The following RBPMS variants were observed in gnomAD, a reference collection of about 807,000 sequenced individuals.
The protein encoded by RBPMS is RNA binding protein, mRNA processing factor, also known as RNA-binding protein with multiple splicing.
RBPMS carries 7 observed loss-of-function variants against 26.8 expected under a neutral mutation model. The observed-to-expected ratio is 0.26, with a 90% CI of 0.15 to 0.49. The LOEUF is 0.49. RBPMS is among the 20% of genes least tolerant of loss of function. The probability of loss-of-function intolerance (pLI) is 0.98; values close to 1 mark genes in which losing one functional copy is unlikely to be tolerated. For missense variants in RBPMS, 186 were observed against 250.0 expected, an observed-to-expected ratio of 0.74 and a Z score of 1.73; for synonymous variants, 96 against 93.3, an observed-to-expected ratio of 1.03 and a Z score of -0.17.
At chr8:30,535,171 T>A (rs934005358) in intron 5 of RBPMS, among the ~76,000 whole-genome samples, 4 of 152,220 alleles carry the variant, frequency 2.6e-5, no homozygotes, top group Non-Finnish European at 5.9e-5. Flanking sequence ...CAAGGAAATG[T>A]GCTAAACTGT....
chr8:30,548,517 ATAGGG>A (rs1826043128), intron 6 of RBPMS, among the ~76,000 whole-genome samples: 1 of 152,220 alleles, frequency 6.6e-6, no homozygotes, highest in African/African-American at 2.4e-5. Flanking sequence ...CGGATTTCTA[ATAGGG>A]CTGCTGTACA....
chr8:30,565,985 G>C (rs1346008715), intron 7 of RBPMS: 1 of 152,352 alleles, frequency 6.6e-6, no homozygotes, highest in Non-Finnish European at 1.5e-5. Context: ...GCTTTTCTTG[G>C]AATGTCCTTC....
At chr8:30,414,121 T>C (rs2915618) in intron 1 of RBPMS, among the ~76,000 whole-genome samples, 111,362 of 147,212 alleles carry the variant, frequency 0.76, 42,337 homozygotes, top group African/African-American at 0.86. Flanking sequence ...CCCCCTCCTC[T>C]CCTTTTGATG....
chr8:30,537,194 G>A (rs1283730337), intron 5 of RBPMS, among the ~76,000 whole-genome samples: 5 of 152,214 alleles, frequency 3.3e-5, no homozygotes, highest in Non-Finnish European at 7.3e-5. Flanking sequence ...TGATTAGAAA[G>A]CAGATCCTTT....
chr8:30,513,733 G>C (rs1326198301), intron 5 of RBPMS, among the ~76,000 whole-genome samples: 2 of 152,042 alleles, frequency 1.3e-5, no homozygotes, highest in Non-Finnish European at 2.9e-5. Context: ...AAAGAGTAAA[G>C]GGAGTTGATT....
intron 1 of RBPMS, among the ~76,000 whole-genome samples, chr8:30,433,443 C>A (rs144750475): frequency 3.3e-5 from 5 of 152,276 alleles, no homozygotes; most frequent in African/African-American, 1.2e-4. Flanking sequence ...GTATCATGAT[C>A]AAGGATCGCT....
chr8:30,571,194 ACCAGAAGCCT>A lies in RBPMS; in HGVS notation c.*674_*683del, dbSNP rs1331766202. 1.3e-5 allele frequency: 2 copies of A among 152,004 alleles called. No individual in the cohort carries two copies. The highest frequency in any genetic ancestry group is 2.9e-5 in the Non-Finnish European group (2 of 68,026). The allele number at this position is 152,004 out of a possible 1,614,324, so 9.4% of individuals were successfully genotyped here. A position where few individuals can be genotyped will look rare whatever the true frequency, so the allele number is the denominator to read the frequency against. Reference sequence around the variant, plus strand: ...GTAGGACAGCCCTGCAAGACAATCAACCAGAAGCCTCCAGGAGCTTCTACCTATGGCTTAT... The same window carrying A: ...GTAGGACAGCCCTGCAAGACAATCAACCAGGAGCTTCTACCTATGGCTTAT... On this transcript the variant is annotated 3_prime_UTR_variant, in exon 9 of 9. Coordinates refer to ENST00000397323, the MANE Select transcript of RBPMS (RefSeq NM_001008710.3).
intron 4 of RBPMS, among the ~76,000 whole-genome samples, chr8:30,487,407 A>C (rs1445563491): frequency 6.6e-6 from 1 of 152,230 alleles, no homozygotes. Context: ...AAAACATTTT[A>C]AAACCTTAGG....
Position 30,445,168 on chromosome 8 carries a change from C to G in RBPMS, c.67-29611C>G, listed in dbSNP as rs181449615. On this transcript the variant is annotated intron_variant, in intron 1 of 8. Coordinates refer to ENST00000397323, the MANE Select transcript of RBPMS (RefSeq NM_001008710.3). ...TATCTATTGAAAATACACTGTAGCTCTTACAGTGAAAAATAATTAGACCTA... is the reference window on the plus strand; with the variant it reads ...TATCTATTGAAAATACACTGTAGCTGTTACAGTGAAAAATAATTAGACCTA... 294 of 152,252 alleles carry G rather than the reference C, an allele frequency of 1.9e-3. 2 individuals carry two copies. Among genetic ancestry groups the G allele is most frequent in the African/African-American group, 6.4e-3 (266 of 41,540 alleles). 9.4% of individuals were successfully genotyped at this position (152,252 alleles called of 1,614,324 possible). A position where few individuals can be genotyped will look rare whatever the true frequency, so the allele number is the denominator to read the frequency against.
At chr8:30,540,876 G>A (rs1294081295) in intron 5 of RBPMS, among the ~76,000 whole-genome samples, 1 of 152,220 alleles carries the variant, frequency 6.6e-6, no homozygotes, top group Non-Finnish European at 1.5e-5. Flanking sequence ...GAATGAATGA[G>A]AGGGAGGATG....
intron 5 of RBPMS, among the ~76,000 whole-genome samples, chr8:30,512,560 A>G (rs1278046386): frequency 6.6e-6 from 1 of 151,900 alleles, no homozygotes; most frequent in African/African-American, 2.4e-5. Context: ...GTCATATCTC[A>G]TCACTTCAGT....
chr8:30,504,748 C>G (rs1292138236), intron 5 of RBPMS, among the ~76,000 whole-genome samples: 1 of 152,092 alleles, frequency 6.6e-6, no homozygotes, highest in Non-Finnish European at 1.5e-5. Context: ...ACCCTTCATT[C>G]CCCCCTGCTC....
chr8:30,518,789 C>A (rs1370345327), intron 5 of RBPMS, among the ~76,000 whole-genome samples: 2 of 137,964 alleles, frequency 1.4e-5, no homozygotes, highest in South Asian at 4.8e-4. Context: ...CACATGCATA[C>A]ATTATCGTTA....
chr8:30,563,576 A>G (rs1314547574), intron 7 of RBPMS, among the ~76,000 whole-genome samples: 4 of 152,192 alleles, frequency 2.6e-5, no homozygotes, highest in Admixed American at 2.6e-4. Flanking sequence ...CAGAAATTAT[A>G]AGCACATGTA....
At chr8:30,545,185 T>TA (rs1563433929) in intron 6 of RBPMS, 2 of 1,295,646 alleles carry the variant, frequency 1.5e-6, no homozygotes, top group Admixed American at 4.6e-5. Context: ...GAAAAGGAGA[T>TA]ACAAGATAGT....
intron 1 of RBPMS, among the ~76,000 whole-genome samples, chr8:30,429,499 C>G (rs967712924): frequency 1.9e-4 from 29 of 152,216 alleles, no homozygotes; most frequent in African/African-American, 6.8e-4. Context: ...AAGCCTCAAC[C>G]ACCCCATCCA....
intron 3 of RBPMS, among the ~76,000 whole-genome samples, chr8:30,478,244 T>C (rs1817899327): frequency 6.6e-6 from 1 of 152,066 alleles, no homozygotes. Flanking sequence ...GAGTCCCGAG[T>C]CCAGAATGGA....
chr8:30,563,058 C>T (rs1827628634), intron 7 of RBPMS, among the ~76,000 whole-genome samples: 1 of 152,144 alleles, frequency 6.6e-6, no homozygotes, highest in South Asian at 2.1e-4. Flanking sequence ...GACACATGTA[C>T]AGGAGAGGGA....
intron 4 of RBPMS, among the ~76,000 whole-genome samples, chr8:30,485,088 G>A (rs1187036873): frequency 1.3e-5 from 2 of 152,192 alleles, no homozygotes; most frequent in African/African-American, 4.8e-5. Context: ...GGTACAGACC[G>A]TTAAGTATGG....
Sources: gnomAD v4.1 joint callset for allele counts (sites outside exome capture counted in the v4.1 genomes callset) on GRCh38, gnomAD v4.1.1 for gene constraint, MANE v1.5 for transcripts, NCBI Gene and HGNC (gene_info 2026-07-23, HGNC 2026-07-21) for gene names.